Variants in MYH8 observed in about 807,000 individuals in gnomAD.
MYH8 encodes myosin heavy chain 8.
In MYH8, 168 loss-of-function variants were observed where a neutral mutation model predicts 233.2. That is an observed-to-expected ratio of 0.72 (90% confidence interval 0.64 to 0.82). The LOEUF (loss-of-function observed/expected upper bound fraction) is 0.82. Ranked by LOEUF, MYH8 falls within the 40% of genes least tolerant of loss-of-function variation. MYH8 has a pLI of 0.00. For missense variants in MYH8, 1,995 were observed against 2,327.8 expected (o/e 0.86, Z 2.94); for synonymous variants, 785 against 850.6 (o/e 0.92, Z 1.34).
Position 10,415,698 on chromosome 17 carries a change from AT to A in MYH8, c.521del (p.Asn174IlefsTer5), listed in dbSNP as rs1398039220. On this transcript the variant is annotated frameshift_variant, in exon 6 of 40. Transcript: ENST00000403437. LOFTEE classifies it high-confidence loss of function. The surrounding 1 kb of genome is among the most constrained non-coding windows in gnomAD (Gnocchi z 4.1). ...TCACATACGTGATCAGGATGGACTGATTCTCTCGATCTGTGAAAGAATTCAA... is the reference window on the plus strand; with the variant it reads ...TCACATACGTGATCAGGATGGACTGATCTCTCGATCTGTGAAAGAATTCAA... ...AYQFMLTDRE[N>X]QSILITGESG... The A allele has an allele frequency of 6.2e-7, 1 of 1,613,782 alleles. No individual in the cohort carries two copies. The highest frequency in any genetic ancestry group is 1.3e-5 in the African/African-American group (1 of 74,930).
In MYH8 at chr17:10,406,757, G is replaced by T; in HGVS notation, c.2104C>A (p.Leu702Met). ...TTCCTACAGATGCGGATGCCTTCCA[G>T]CACACCATTACACCTCAGCTGGTGC... ...VLHQLRCNGV[L>M]EGIRICRKGF... The change falls in exon 19 of 40, where the codon CTG becomes ATG. Residue 702 changes from leucine to methionine, a missense_variant. Coordinates refer to ENST00000403437, the MANE Select transcript of MYH8 (RefSeq NM_002472.3). 3 of 1,614,132 alleles carry T rather than the reference G, an allele frequency of 1.9e-6. No homozygotes were observed. Among genetic ancestry groups the T allele is most frequent in the Non-Finnish European group, 2.5e-6 (3 of 1,180,024 alleles).
intron 22 of MYH8, among the ~76,000 whole-genome samples, chr17:10,403,283 T>C (rs554271311): frequency 1.3e-5 from 2 of 152,202 alleles, no homozygotes; most frequent in Admixed American, 6.5e-5. Flanking sequence ...AGAAACTGTA[T>C]AGCTCAATAA....
Position 10,401,036 on chromosome 17 carries a change from A to G in MYH8, c.3254+10T>C. 1.2e-6 allele frequency: 2 copies of G among 1,614,126 alleles called. No individual in the cohort carries two copies. Among genetic ancestry groups the G allele is most frequent in the Non-Finnish European group, 1.7e-6 (2 of 1,180,010 alleles). ...TATCACATAGAAGTTTTTTTCTAAA[A>G]GGCTCCTACTTTTCAAGCTTTTCAT... On this transcript the variant is annotated intron_variant, in intron 25 of 39. Transcript: ENST00000403437.
chr17:10,414,320 C>A, intron 10 of MYH8, 25 bp from the exon 11 acceptor site: 1 of 1,606,742 alleles, frequency 6.2e-7, no homozygotes, highest in East Asian at 2.2e-5. Flanking sequence ...TCAGGGCATA[C>A]ATTTTACATT....
chr17:10,417,594 G>A lies in MYH8; in HGVS notation c.511+1051C>T, dbSNP rs1293732030. Among the ~76,000 whole-genome samples the A allele has an allele frequency of 6.6e-6, 1 of 152,182 alleles. No individual in the cohort carries two copies. The highest frequency in any genetic ancestry group is 6.5e-5 in the Admixed American group (1 of 15,280). On this transcript the variant is annotated intron_variant, in intron 5 of 39. Transcript: ENST00000403437. The surrounding 1 kb of genome is among the most constrained non-coding windows in gnomAD (Gnocchi z 4.1). ...CATAAGTAACCTTGAATTTGGAGCAGCCCCAAACCCTGGGGAGCGGGGGGC... is the reference window on the plus strand; with the variant it reads ...CATAAGTAACCTTGAATTTGGAGCAACCCCAAACCCTGGGGAGCGGGGGGC...
chr17:10,402,141 C>T (rs917349), intron 22 of MYH8, among the ~76,000 whole-genome samples: 87,922 of 151,926 alleles, frequency 0.58, 26,501 homozygotes, highest in African/African-American at 0.7. Flanking sequence ...TTATTCCTTT[C>T]ATTCTCAATT....
At position 10,401,567 on chromosome 17, in the gene MYH8, C is replaced by G; in HGVS notation, c.2907G>C (p.Lys969Asn). ...DLELTLAKVE[K>N]EKHATENKVK... ...CCTTGTTCTCCGTGGCATGTTTCTC[C>G]TTCTCAACCTTGGCCAGTGTCAGCT... Residue 969 changes from lysine to asparagine, a missense_variant, in exon 23 of 40, where the codon AAG becomes AAC. This residue lies in a region of MYH8 where 1,498 missense variants were observed against 1,680.9 expected (regional missense o/e 0.89). Coordinates refer to ENST00000403437, the MANE Select transcript of MYH8 (RefSeq NM_002472.3). 2 of 1,614,168 alleles carry G rather than the reference C, an allele frequency of 1.2e-6. No individual in the cohort carries two copies. Among genetic ancestry groups the G allele is most frequent in the Non-Finnish European group, 1.7e-6 (2 of 1,180,032 alleles).
intron 14 of MYH8, 27 bp from the exon 15 acceptor site, chr17:10,410,974 C>G: frequency 6.2e-7 from 1 of 1,614,028 alleles, no homozygotes; most frequent in Non-Finnish European, 8.5e-7. Context: ...AGATTTCCAA[C>G]ATCAAATGAG....
rs138165573 is a variant in MYH8, at chr17:10,392,943, C to T, written c.5351G>A (p.Arg1784Gln). ...KEQDTSAHLE[R>Q]MKKNLEQTVK... ...CGTCTGCTCCAGGTTCTTCTTCATC[C>T]GCTCCAGGTGGGCGCTGGTGTCCTG... The change falls in exon 37 of 40, where the codon CGG becomes CAG. Residue 1784 changes from arginine to glutamine, a missense_variant. Around this residue, in one of 3 missense-constraint regions of MYH8, gnomAD observed 1,498 missense variants for 1,680.9 expected, o/e 0.89. Transcript: ENST00000403437. 1.6e-5 allele frequency: 26 copies of T among 1,614,088 alleles called. No homozygotes were observed. The highest frequency in any genetic ancestry group is 1.0e-4 in the Admixed American group (6 of 60,016).
rs952928490 is a variant in MYH8, at chr17:10,419,113, AG to A, written c.211-84del. 1.5e-5 allele frequency: 23 copies of A among 1,520,994 alleles called. No homozygotes were observed. In the African/African-American group the frequency reaches 3.2e-4, roughly 21 times the overall value. The allele number at this position is 1,520,994 out of a possible 1,614,324, so 94.2% of individuals were successfully genotyped here. Reference sequence around the variant, plus strand: ...GCTTTTTTTGCCCAGGCTGGAGTGCAGTGGCGCGATCTCAGCTCACTGCAAC... The same window carrying A: ...GCTTTTTTTGCCCAGGCTGGAGTGCATGGCGCGATCTCAGCTCACTGCAAC... On this transcript the variant is annotated intron_variant, in intron 3 of 39. Transcript: ENST00000403437. This position sits in a 1 kb window ranked among gnomAD's most constrained non-coding sequence, Gnocchi z 4.0.
At chr17:10,392,204 C>T (rs182943726) in intron 38 of MYH8, among the ~76,000 whole-genome samples, 37 of 152,240 alleles carry the variant, frequency 2.4e-4, no homozygotes, top group South Asian at 1.0e-3. Flanking sequence ...CCTCCCCATC[C>T]GGGAAAATAG....
chr17:10,391,663 C>T (rs2072024839), intron 39 of MYH8, among the ~76,000 whole-genome samples: 1 of 152,114 alleles, frequency 6.6e-6, no homozygotes, highest in South Asian at 2.1e-4. Context: ...CTGGGTGACA[C>T]AGCGAGGCTC....
chr17:10,398,361 G>A, intron 30 of MYH8, 83 bp downstream of exon 30: 3 of 1,600,572 alleles, frequency 1.9e-6, no homozygotes, highest in Non-Finnish European at 2.6e-6. Context: ...ATAAATGTTA[G>A]CTTTTGCTAT....
At chr17:10,407,928 C>T (rs994117086) in intron 17 of MYH8, among the ~76,000 whole-genome samples, 2 of 151,330 alleles carry the variant, frequency 1.3e-5, no homozygotes, top group African/African-American at 4.9e-5. Context: ...ACTAGATATA[C>T]TCTTAAGAAG....
At chr17:10,390,682 A>T (rs1022013189) in intron 39 of MYH8, 79 bp from the exon 40 acceptor site, 1 of 1,502,734 alleles carries the variant, frequency 6.7e-7, no homozygotes, top group Non-Finnish European at 9.3e-7. Context: ...TTAGTTCCTC[A>T]AATCAGGTAT....
At position 10,404,310 on chromosome 17, in the gene MYH8, T is replaced by C; in HGVS notation, c.2688+20A>G. 6.2e-7 allele frequency: 1 copy of C among 1,613,894 alleles called. No homozygotes were observed. The highest frequency in any genetic ancestry group is 8.5e-7 in the Non-Finnish European group (1 of 1,179,822). On this transcript the variant is annotated intron_variant, in intron 22 of 39. Coordinates refer to ENST00000403437, the MANE Select transcript of MYH8 (RefSeq NM_002472.3). ...AAAAAGCTTCAGTAACATGGTGCAT[T>C]CAGAATATGGAGTACTCACAGATTG...
In MYH8 at chr17:10,419,894, T is replaced by C; in HGVS notation, c.210+124A>G. 9.2e-7 allele frequency: 1 copy of C among 1,085,950 alleles called. No homozygotes were observed. The highest frequency in any genetic ancestry group is 1.4e-6 in the Non-Finnish European group (1 of 709,242). 67.3% of individuals were successfully genotyped at this position (1,085,950 alleles called of 1,614,324 possible). A position where few individuals can be genotyped will look rare whatever the true frequency, so the allele number is the denominator to read the frequency against. On this transcript the variant is annotated intron_variant, in intron 3 of 39. Transcript: ENST00000403437. The surrounding 1 kb of genome is among the most constrained non-coding windows in gnomAD (Gnocchi z 4.0). ...AATTTCTTTTGCCTTCCACATCTAA[T>C]GTCTCAACACTGACTAGAAGGGTGT...
At chr17:10,409,794 A>G (rs1280505999) in intron 15 of MYH8, among the ~76,000 whole-genome samples, 1 of 152,230 alleles carries the variant, frequency 6.6e-6, no homozygotes, top group Non-Finnish European at 1.5e-5. Flanking sequence ...ATTACTTTCA[A>G]TTAAAAGAAT....
Position 10,414,047 on chromosome 17 carries a change from G to A in MYH8, c.1009-7C>T. On this transcript the variant is annotated splice_region_variant and splice_polypyrimidine_tract_variant and intron_variant, in intron 11 of 39. Transcript: ENST00000403437. ...CCAGGATGTCAATGGCACTCTACCAGGAAAAATGAGAGGACAAAAGTTAGG... is the reference window on the plus strand; with the variant it reads ...CCAGGATGTCAATGGCACTCTACCAAGAAAAATGAGAGGACAAAAGTTAGG... 6.2e-7 allele frequency: 1 copy of A among 1,614,038 alleles called. No individual in the cohort carries two copies. Among genetic ancestry groups the A allele is most frequent in the South Asian group, 1.1e-5 (1 of 91,082 alleles).
Sources: allele counts gnomAD v4.1 joint callset (sites outside exome capture counted in the v4.1 genomes callset), GRCh38; gene constraint gnomAD v4.1.1; regional missense constraint gnomAD v4.1.1; non-coding constraint Gnocchi (gnomAD v3.1); transcripts MANE v1.5; gene names NCBI Gene and HGNC (gene_info 2026-07-23, HGNC 2026-07-21).